Variants in ANKRD36 observed in about 807,000 individuals in gnomAD.
ANKRD36 encodes ankyrin repeat domain-containing protein 36A.
Under a neutral mutation model 278.1 loss-of-function variants are expected in ANKRD36, and 179 were observed. That is an observed-to-expected ratio of 0.64 (90% CI 0.57 to 0.73). ANKRD36 has a LOEUF of 0.73. Among genes scored for constraint, ANKRD36 ranks in the 30% least tolerant of loss-of-function variants. ANKRD36 has a pLI of 0.00. For synonymous variants in ANKRD36, 320 were observed against 641.1 expected (o/e 0.50, Z 7.57); for missense variants, 1,159 against 1,956.7 (o/e 0.59, Z 7.69).
chr2:97,113,797 G>A lies in ANKRD36; in HGVS notation c.58G>A (p.Gly20Ser), dbSNP rs373589688. 74 of 1,612,900 alleles carry A rather than the reference G, an allele frequency of 4.6e-5. 2 individuals carry two copies. In the South Asian group the frequency reaches 5.1e-4, roughly 11 times the overall value. Residue 20 changes from glycine to serine, a missense_variant, in exon 1 of 76, where the codon GGC becomes AGC. By Grantham distance (56) the Gly-to-Ser change is moderately conservative. Coordinates refer to ENST00000420699, the MANE Select transcript of ANKRD36 (RefSeq NM_001354587.1). ...PTLMERLCSD[G>S]FAFPQYPIKP... ...CCTCATGGAGCGCTTGTGCTCGGATGGCTTCGCATTTCCCCAATACCCCAT... is the reference window on the plus strand; with the variant it reads ...CCTCATGGAGCGCTTGTGCTCGGATAGCTTCGCATTTCCCCAATACCCCAT...
At chr2:97,202,739 G>C (rs955234143) in intron 48 of ANKRD36, among the ~76,000 whole-genome samples, 3 of 151,780 alleles carry the variant, frequency 2.0e-5, no homozygotes, top group Admixed American at 6.6e-5. Flanking sequence ...TTTTACAGAC[G>C]TCACATCGTA....
intron 6 of ANKRD36, among the ~76,000 whole-genome samples, chr2:97,133,861 T>A (rs1256067178): frequency 6.6e-6 from 1 of 151,350 alleles, no homozygotes; most frequent in Non-Finnish European, 1.5e-5. Flanking sequence ...GCTCCCCCCA[T>A]TTTCAATATC....
At position 97,192,918 on chromosome 2, in the gene ANKRD36, G is replaced by A. The variant is rs755563548; in HGVS notation, c.2376+32G>A. 4 of 1,602,640 alleles carry A rather than the reference G, an allele frequency of 2.5e-6. No homozygotes were observed. In the East Asian group the frequency reaches 9.0e-5, roughly 36 times the overall value. ...AAACACTCATTTATATTGTGAATGAGTTAAGGTATGGTCTATGAAACATAC... is the reference window on the plus strand; with the variant it reads ...AAACACTCATTTATATTGTGAATGAATTAAGGTATGGTCTATGAAACATAC... On this transcript the variant is annotated intron_variant, in intron 37 of 75. Transcript: ENST00000420699.
intron 34 of ANKRD36, 150 bp from the exon 35 acceptor site, chr2:97,190,828 T>C (rs2058358983): frequency 2.4e-6 from 3 of 1,241,558 alleles, no homozygotes; most frequent in Non-Finnish European, 3.3e-6. Context: ...ATTTCTGTCA[T>C]GTTCCAGTCC....
intron 6 of ANKRD36, among the ~76,000 whole-genome samples, chr2:97,127,840 TA>T (rs1433154539): frequency 1.3e-5 from 2 of 151,986 alleles, no homozygotes; most frequent in Non-Finnish European, 2.9e-5. Context: ...TTTTTATTTG[TA>T]AAAAAACAAT....
chr2:97,191,089 T>G lies in ANKRD36; in HGVS notation c.2275-20T>G, dbSNP rs2058425891. On this transcript the variant is annotated intron_variant, in intron 35 of 75. Coordinates refer to ENST00000420699, the MANE Select transcript of ANKRD36 (RefSeq NM_001354587.1). ...TTCATTGATTTATTTATTTATTACT[T>G]TCTTTCAAATTCCATTCAGGCTACA... is the stretch of plus-strand genomic sequence containing the variant. 6.3e-7 allele frequency: 1 copy of G among 1,592,230 alleles called. No individual in the cohort carries two copies.
chr2:97,195,390 G>C (rs1196284180), intron 40 of ANKRD36, among the ~76,000 whole-genome samples: 1 of 151,976 alleles, frequency 6.6e-6, no homozygotes, highest in Non-Finnish European at 1.5e-5. Flanking sequence ...AGGCAGGAAT[G>C]TGGGAAAAGA....
chr2:97,137,038 G>T (rs1204043769), intron 6 of ANKRD36, among the ~76,000 whole-genome samples: 2 of 152,062 alleles, frequency 1.3e-5, no homozygotes, highest in Non-Finnish European at 2.9e-5. Context: ...TAGCCTCCAA[G>T]TATGTTTCTA....
chr2:97,191,319 G>A, intron 36 of ANKRD36, 138 bp downstream of exon 36: 1 of 1,095,468 alleles, frequency 9.1e-7, no homozygotes, highest in East Asian at 2.8e-5. Flanking sequence ...TTTGCAGTAA[G>A]TTCTTGGGTG....
rs2924026 is a variant in ANKRD36, at chr2:97,173,484, C to T, written c.1633+5717C>T. On this transcript the variant is annotated intron_variant, in intron 22 of 75. Transcript: ENST00000420699. ...CTTTTGTGAAGAAGGAATTTGTACA[C>T]GTTAGTCAAGTGTCTGACACATTTA... 4.3e-3 allele frequency among the ~76,000 whole-genome samples: 653 copies of T among 150,194 alleles called. 3 individuals carry two copies. Among genetic ancestry groups the T allele is most frequent in the African/African-American group, 0.015 (601 of 40,908 alleles).
intron 56 of ANKRD36, among the ~76,000 whole-genome samples, chr2:97,210,109 A>T (rs2064003433): frequency 6.6e-6 from 1 of 151,860 alleles, no homozygotes; most frequent in South Asian, 2.1e-4. Context: ...TACGGAGAGC[A>T]GCTCAAGACA....
intron 11 of ANKRD36, among the ~76,000 whole-genome samples, chr2:97,147,137 G>A (rs1418070029): frequency 6.6e-6 from 1 of 151,774 alleles, no homozygotes; most frequent in African/African-American, 2.4e-5. Flanking sequence ...TATAGACCAT[G>A]TTATGACAAC....
At chr2:97,226,172 T>C (rs1252984240) in intron 67 of ANKRD36, among the ~76,000 whole-genome samples, 3 of 151,428 alleles carry the variant, frequency 2.0e-5, no homozygotes, top group African/African-American at 7.3e-5. Context: ...ATGGTATTTC[T>C]AGTTCTAGAT....
intron 12 of ANKRD36, among the ~76,000 whole-genome samples, chr2:97,150,894 C>T (rs1574969658): frequency 3.5e-5 from 3 of 86,016 alleles, no homozygotes; most frequent in Admixed American, 1.1e-4. Flanking sequence ...TTCTTTCCCC[C>T]TCTCTCTCTC....
intron 46 of ANKRD36, among the ~76,000 whole-genome samples, chr2:97,201,628 G>T (rs1346148294): frequency 6.6e-6 from 1 of 151,944 alleles, no homozygotes; most frequent in Admixed American, 6.6e-5. Context: ...GGGTGGGAGA[G>T]ATAATGAATA....
chr2:97,186,797 T>G (rs2057492463), intron 30 of ANKRD36, among the ~76,000 whole-genome samples: 1 of 151,878 alleles, frequency 6.6e-6, no homozygotes, highest in Non-Finnish European at 1.5e-5. Flanking sequence ...TGCAGTATAA[T>G]GGCGTAAATC....
chr2:97,222,928 A>G (rs1310028172), intron 66 of ANKRD36, among the ~76,000 whole-genome samples: 4 of 152,192 alleles, frequency 2.6e-5, no homozygotes, highest in South Asian at 4.2e-4. Context: ...ATATCAAATC[A>G]AACTAATTTT....
chr2:97,187,358 G>C lies in ANKRD36; in HGVS notation c.2100G>C (p.Ser700=), dbSNP rs553912698. Reference sequence around the variant, plus strand: ...CAACTGACGAGGAAGACTCTGTTTCGAATATAGCCACAGAAATAAAGGATG... The same window carrying C: ...CAACTGACGAGGAAGACTCTGTTTCCAATATAGCCACAGAAATAAAGGATG... ...KATTDEEDSV[S]NIATEIKDGE... Residue 700 remains serine (S), a synonymous_variant, in exon 32 of 76, where the codon TCG becomes TCC. Transcript: ENST00000420699. 3 of 1,608,214 alleles carry C rather than the reference G, an allele frequency of 1.9e-6. No homozygotes were observed. Among genetic ancestry groups the C allele is most frequent in the Non-Finnish European group, 1.7e-6 (2 of 1,177,494 alleles).
intron 6 of ANKRD36, among the ~76,000 whole-genome samples, chr2:97,127,508 C>G (rs1317290359): frequency 6.6e-6 from 1 of 151,680 alleles, no homozygotes; most frequent in Non-Finnish European, 1.5e-5. Flanking sequence ...TTTGCAATTA[C>G]TAAATGAATC....
Sources: gnomAD v4.1 joint callset for allele counts (sites outside exome capture counted in the v4.1 genomes callset) on GRCh38, gnomAD v4.1.1 for gene constraint, MANE v1.5 for transcripts, NCBI Gene and HGNC (gene_info 2026-07-23, HGNC 2026-07-21) for gene names.